The following ST6GAL1 variants were observed in gnomAD, a reference collection of about 807,000 sequenced individuals.
The protein encoded by ST6GAL1 is beta-galactoside alpha-2,6-sialyltransferase 1.
ST6GAL1 carries 20 observed loss-of-function variants against 38.0 expected under a neutral mutation model. That is an observed-to-expected ratio of 0.53 (90% CI 0.37 to 0.77). The LOEUF (loss-of-function observed/expected upper bound fraction) is 0.77. Ranked by LOEUF, ST6GAL1 falls within the 30% of genes least tolerant of loss-of-function variation. ST6GAL1 has a pLI of 0.00. For synonymous variants in ST6GAL1, 196 were observed against 188.2 expected, an observed-to-expected ratio of 1.04 and a Z score of -0.34; for missense variants, 432 against 496.4, an observed-to-expected ratio of 0.87 and a Z score of 1.23.
At chr3:187,063,361 G>A (rs1224064701) in intron 5 of ST6GAL1, among the ~76,000 whole-genome samples, 1 of 152,224 alleles carries the variant, frequency 6.6e-6, no homozygotes, top group African/African-American at 2.4e-5. Flanking sequence ...GCAAGGCCAA[G>A]TCAGAAGGAG....
intron 2 of ST6GAL1, among the ~76,000 whole-genome samples, chr3:187,019,389 C>T (rs1717219990): frequency 1.3e-5 from 2 of 152,198 alleles, no homozygotes; most frequent in South Asian, 4.1e-4. Flanking sequence ...AGCAAATAAA[C>T]TCACGTCTTA....
intron 1 of ST6GAL1, among the ~76,000 whole-genome samples, chr3:186,935,184 G>T (rs150493015): frequency 6.6e-6 from 1 of 151,952 alleles, no homozygotes; most frequent in East Asian, 1.9e-4. Flanking sequence ...GAAGGCCCTG[G>T]TGTCTGTCGT....
intron 5 of ST6GAL1, among the ~76,000 whole-genome samples, chr3:187,071,010 G>A (rs1719350777): frequency 6.6e-6 from 1 of 152,182 alleles, no homozygotes. Context: ...TATGGGCATG[G>A]GGATAGCTCA....
At chr3:186,950,996 A>T (rs1291278390) in intron 1 of ST6GAL1, among the ~76,000 whole-genome samples, 3 of 152,240 alleles carry the variant, frequency 2.0e-5, no homozygotes, top group African/African-American at 7.2e-5. Flanking sequence ...TTTGAACACC[A>T]TACCTACTCC....
In ST6GAL1 at chr3:187,064,592, G is replaced by T. The variant is rs745509962; in HGVS notation, c.706-8257G>T. 1.7e-4 allele frequency: 78 copies of T among 456,594 alleles called. No individual in the cohort carries two copies. The Middle Eastern group carries it at 4.2e-3, about 25-fold the overall frequency. The allele number at this position is 456,594 out of a possible 1,614,324, so 28.3% of individuals were successfully genotyped here. ...CCCGGGATACACTACCCACCCTCAAGAGAGCCTTTCCTGCTGCTTCTTAGG... is the reference window on the plus strand; with the variant it reads ...CCCGGGATACACTACCCACCCTCAATAGAGCCTTTCCTGCTGCTTCTTAGG... On this transcript the variant is annotated intron_variant, in intron 5 of 7. Coordinates refer to ENST00000169298, the MANE Select transcript of ST6GAL1 (RefSeq NM_173216.2).
chr3:187,037,888 TCTAGTACTTTTTC>T (rs763273523), intron 2 of ST6GAL1, among the ~76,000 whole-genome samples: 1 of 152,212 alleles, frequency 6.6e-6, no homozygotes. Context: ...TGTACTTTTT[TCTAGTACTTTTTC>T]CTAGTACTTT....
At chr3:186,991,435 T>C (rs1419180366) in intron 2 of ST6GAL1, among the ~76,000 whole-genome samples, 2 of 151,976 alleles carry the variant, frequency 1.3e-5, no homozygotes. Flanking sequence ...CAGGGAAGGG[T>C]TCCTAACTCA....
chr3:187,054,730 G>T (rs1285465850), intron 5 of ST6GAL1, among the ~76,000 whole-genome samples: 1 of 152,136 alleles, frequency 6.6e-6, no homozygotes, highest in African/African-American at 2.4e-5. Context: ...TTGCATCGAT[G>T]TTCATCAGGG....
At chr3:186,983,817 C>T (rs1187600966) in intron 2 of ST6GAL1, among the ~76,000 whole-genome samples, 4 of 152,118 alleles carry the variant, frequency 2.6e-5, no homozygotes, top group African/African-American at 9.7e-5. Flanking sequence ...CCCAGGAATC[C>T]TTGCTCCAGA....
intron 1 of ST6GAL1, among the ~76,000 whole-genome samples, chr3:186,946,225 G>T (rs1208695691): frequency 6.6e-6 from 1 of 151,710 alleles, no homozygotes; most frequent in African/African-American, 2.4e-5. Flanking sequence ...AGGCAGAAGA[G>T]TGGCTTGAAC....
chr3:186,946,375 A>T (rs1714370858), intron 1 of ST6GAL1, among the ~76,000 whole-genome samples: 1 of 150,420 alleles, frequency 6.6e-6, no homozygotes, highest in Non-Finnish European at 1.5e-5. Flanking sequence ...TTTTACTTTT[A>T]AAAAACTTAT....
intron 1 of ST6GAL1, among the ~76,000 whole-genome samples, chr3:186,951,159 T>C (rs1341146568): frequency 6.6e-6 from 1 of 152,190 alleles, no homozygotes; most frequent in Non-Finnish European, 1.5e-5. Context: ...GTGCAGCCTC[T>C]GCCTCCTGGG....
chr3:186,984,634 C>A (rs1715805379), intron 2 of ST6GAL1, among the ~76,000 whole-genome samples: 1 of 152,146 alleles, frequency 6.6e-6, no homozygotes, highest in Non-Finnish European at 1.5e-5. Flanking sequence ...ATGTCCCCTT[C>A]TCAGTGAGTT....
intron 2 of ST6GAL1, among the ~76,000 whole-genome samples, chr3:187,022,659 T>C (rs1717370854): frequency 1.3e-5 from 2 of 152,154 alleles, no homozygotes; most frequent in African/African-American, 4.8e-5. Flanking sequence ...GACATTAATA[T>C]CGATTCTCTG....
At chr3:186,971,279 C>T (rs888909551) in intron 2 of ST6GAL1, among the ~76,000 whole-genome samples, 15 of 152,194 alleles carry the variant, frequency 9.9e-5, no homozygotes, top group Admixed American at 2.6e-4. Flanking sequence ...TTAGTAGAGA[C>T]GGGGTTTTGC....
At chr3:187,029,628 C>A (rs970192403) in intron 2 of ST6GAL1, among the ~76,000 whole-genome samples, 1 of 152,206 alleles carries the variant, frequency 6.6e-6, no homozygotes. Context: ...CATTAAGGAC[C>A]TCCTGGCAGT....
At chr3:187,068,723 CA>C (rs557698187) in intron 5 of ST6GAL1, among the ~76,000 whole-genome samples, 232 of 152,320 alleles carry the variant, frequency 1.5e-3, no homozygotes, top group African/African-American at 5.4e-3. Flanking sequence ...GGGGCTATAG[CA>C]GGGGGAGACA....
At chr3:186,992,479 C>T (rs1010365977) in intron 2 of ST6GAL1, among the ~76,000 whole-genome samples, 10 of 151,940 alleles carry the variant, frequency 6.6e-5, no homozygotes, top group African/African-American at 2.4e-4. Context: ...CAATCATGAC[C>T]TTAAAAAATA....
intron 2 of ST6GAL1, among the ~76,000 whole-genome samples, chr3:186,998,762 A>G (rs1241237267): frequency 6.6e-6 from 1 of 152,220 alleles, no homozygotes; most frequent in Non-Finnish European, 1.5e-5. Flanking sequence ...TCCATAAGAA[A>G]TCTTCAGTGT....
Sources: gnomAD v4.1 joint callset for allele counts (sites outside exome capture counted in the v4.1 genomes callset) on GRCh38, gnomAD v4.1.1 for gene constraint, MANE v1.5 for transcripts, NCBI Gene and HGNC (gene_info 2026-07-23, HGNC 2026-07-21) for gene names.